USP8: variants seen among roughly 807,000 people sequenced by gnomAD.
USP8 encodes the protein ubiquitin specific peptidase 8, also known as ubiquitin carboxyl-terminal hydrolase 8.
A neutral mutation model predicts 130.0 loss-of-function variants in USP8; 27 were observed. That is an observed-to-expected ratio of 0.21 (90% CI 0.15 to 0.29). The LOEUF (loss-of-function observed/expected upper bound fraction) is 0.29, where lower values mean the gene tolerates loss of function less well. Among genes scored for constraint, USP8 ranks in the 10% least tolerant of loss-of-function variants. The pLI, the probability that USP8 is intolerant of heterozygous loss-of-function variation, is 1.00. For synonymous variants in USP8, 392 were observed against 444.1 expected (o/e 0.88, Z 1.48); for missense variants, 1,029 against 1,312.2 (o/e 0.78, Z 3.33).
At position 50,497,207 on chromosome 15, in the gene USP8, C is replaced by T. The variant is rs920130596; in HGVS notation, c.3014C>T (p.Pro1005Leu). ...AAGATAGAAATCTGGAAGTTACCACCTGTGCTTTTAGTGCATCTGAAACGG... is the reference window on the plus strand; with the variant it reads ...AAGATAGAAATCTGGAAGTTACCACTTGTGCTTTTAGTGCATCTGAAACGG... ...LKKIEIWKLPPVLLVHLKRFS... is the reference protein window; with the variant it reads ...LKKIEIWKLPLVLLVHLKRFS... The change falls in exon 18 of 20, where the codon CCT becomes CTT. Residue 1005 changes from proline (P) to leucine (L), a missense_variant. Physicochemically the swap from Pro to Leu is moderately conservative, Grantham distance 98. Around this residue, in one of 4 missense-constraint regions of USP8, gnomAD observed 257 missense variants for 429.8 expected, o/e 0.60. Transcript: ENST00000307179. The T allele has an allele frequency of 1.2e-6, 2 of 1,609,918 alleles. No homozygotes were observed. The highest frequency in any genetic ancestry group is 1.7e-6 in the Non-Finnish European group (2 of 1,178,658).
intron 14 of USP8, 22 bp from the exon 15 acceptor site, chr15:50,492,678 CT>C: frequency 6.2e-7 from 1 of 1,607,866 alleles, no homozygotes; most frequent in Non-Finnish European, 8.5e-7. Context: ...TTTAAGACAT[CT>C]TGTATCCTTT....
chr15:50,427,533 G>A (rs1207061938), intron 1 of USP8, among the ~76,000 whole-genome samples: 1 of 150,688 alleles, frequency 6.6e-6, no homozygotes, highest in African/African-American at 2.4e-5. Flanking sequence ...AACTTATTTG[G>A]AATTCTACAT....
At chr15:50,436,939 G>C (rs1189501113) in intron 1 of USP8, among the ~76,000 whole-genome samples, 1 of 152,034 alleles carries the variant, frequency 6.6e-6, no homozygotes, top group Non-Finnish European at 1.5e-5. Context: ...CAAAGTGCTG[G>C]GATTACAGGT....
rs773408544 is a variant in USP8, at chr15:50,460,546, C to T, written c.498+1384C>T. ...CTGTTCTTGAACTCCTGACCTCAAG[C>T]GATCTACCCACCTTGGCCTCCCAAA... On this transcript the variant is annotated intron_variant, in intron 5 of 19. Transcript: ENST00000307179. 7.0e-4 allele frequency among the ~76,000 whole-genome samples: 106 copies of T among 151,636 alleles called. 2 individuals are homozygous for T. The highest frequency in any genetic ancestry group is 1.3e-4 in the Non-Finnish European group (9 of 67,888).
chr15:50,477,208 ATGAGAAATGTAAGTAC>A, intron 9 of USP8, 52 bp from the exon 10 acceptor site: 3 of 1,408,424 alleles, frequency 2.1e-6, no homozygotes, highest in African/African-American at 1.5e-5. Context: ...ATTAACACGC[ATGAGAAATGTAAGTAC>A]TGTGTATGGG....
In USP8 at chr15:50,502,840, G is replaced by GTAA. The variant is rs1490331435; in HGVS notation, c.*3755_*3757dup. 1 of 152,244 alleles carries GTAA rather than the reference G, an allele frequency of 6.6e-6. No individual in the cohort carries two copies. The highest frequency in any genetic ancestry group is 2.4e-5 in the African/African-American group (1 of 41,452). The allele number at this position is 152,244 out of a possible 1,614,324, so 9.4% of individuals were successfully genotyped here. ...AGTTAATTCCAACGTGAATTCGGGT[G>GTAA]TAATAGTACATTGTGACCTTAGCGA... is the stretch of plus-strand genomic sequence containing the variant. On this transcript the variant is annotated 3_prime_UTR_variant, in exon 20 of 20. Transcript: ENST00000307179.
chr15:50,436,581 C>G (rs560427015), intron 1 of USP8, among the ~76,000 whole-genome samples: 1 of 152,162 alleles, frequency 6.6e-6, no homozygotes, highest in South Asian at 2.1e-4. Context: ...TCACTGCAAC[C>G]TCACCTCCCG....
intron 7 of USP8, among the ~76,000 whole-genome samples, chr15:50,469,345 G>A (rs185997804): frequency 4.0e-4 from 61 of 152,188 alleles, no homozygotes; most frequent in African/African-American, 1.5e-3. Flanking sequence ...GGAGCAGATT[G>A]TGAAGATGGT....
chr15:50,425,104 G>GC (rs1320869226), intron 1 of USP8, among the ~76,000 whole-genome samples: 2 of 152,022 alleles, frequency 1.3e-5, no homozygotes, highest in African/African-American at 4.8e-5. Flanking sequence ...GCAGTGATGT[G>GC]CATTATAAAG....
chr15:50,493,007 A>G, intron 15 of USP8, 94 bp downstream of exon 15: 1 of 1,209,560 alleles, frequency 8.3e-7, no homozygotes, highest in East Asian at 2.3e-5. Context: ...CTGCTATAAC[A>G]AAATACCTAA....
chr15:50,489,765 A>AT (rs546199809), intron 12 of USP8, 36 bp from the exon 13 acceptor site: 38 of 1,320,502 alleles, frequency 2.9e-5, no homozygotes, highest in Admixed American at 6.2e-5. Flanking sequence ...TTTAAAAAAA[A>AT]TTTTTTTTTA....
Position 50,477,462 on chromosome 15 carries a change from T to A in USP8, c.1181T>A (p.Ile394Lys). The A allele has an allele frequency of 1.9e-6, 3 of 1,614,156 alleles. No individual in the cohort carries two copies. In the South Asian group the frequency reaches 3.3e-5, roughly 18 times the overall value. The change falls in exon 10 of 20, where the codon ATA becomes AAA. Residue 394 changes from isoleucine to lysine, a missense_variant. Ile to Lys is a moderately radical substitution (Grantham distance 102). This residue lies in a region of USP8 where 486 missense variants were observed against 522.0 expected (regional missense o/e 0.93). Transcript: ENST00000307179. ...GCTTCTAAATCTGATGTTTCACCCA[T>A]AATTCAGCCAGTGCCTAGTATAAAG... ...VAASKSDVSP[I>K]IQPVPSIKNV... is the part of the protein sequence containing the mutation.
chr15:50,448,441 A>AAAC (rs889862673), intron 3 of USP8, among the ~76,000 whole-genome samples: 1 of 152,340 alleles, frequency 6.6e-6, no homozygotes, highest in Non-Finnish European at 1.5e-5. Context: ...GTGATTTAAA[A>AAAC]AACAACAACA....
intron 4 of USP8, among the ~76,000 whole-genome samples, chr15:50,451,765 C>G (rs2050635641): frequency 6.6e-6 from 1 of 152,150 alleles, no homozygotes; most frequent in African/African-American, 2.4e-5. Context: ...ATAAGTCAAC[C>G]ACAAAGCTCT....
At chr15:50,432,338 GCAA>G (rs2049959637) in intron 1 of USP8, 1 of 152,018 alleles carries the variant, frequency 6.6e-6, no homozygotes, top group African/African-American at 2.4e-5. Flanking sequence ...TGCCCTTTAG[GCAA>G]CAACAATACT....
Position 50,509,593 on chromosome 15 carries a change from A to T in USP8, c.*10505A>T, listed in dbSNP as rs2052712521. 1 of 152,214 alleles carries T rather than the reference A, an allele frequency of 6.6e-6. No homozygotes were observed. The allele number at this position is 152,214 out of a possible 1,614,324, so 9.4% of individuals were successfully genotyped here. A position where few individuals can be genotyped will look rare whatever the true frequency, so the allele number is the denominator to read the frequency against. On this transcript the variant is annotated 3_prime_UTR_variant, in exon 20 of 20. Coordinates refer to ENST00000307179, the MANE Select transcript of USP8 (RefSeq NM_005154.5). The stretch of plus-strand genomic sequence containing the variant: ...AACCCGGGAGGCGGAGCTTGCCGTG[A>T]GCTGAGATCGTGCCATTGCACTCCA...
chr15:50,481,420 A>C, intron 10 of USP8, 61 bp from the exon 11 acceptor site: 2 of 1,251,954 alleles, frequency 1.6e-6, no homozygotes, highest in South Asian at 3.6e-5. Flanking sequence ...CTTGATCTCA[A>C]GAACTGAGGT....
intron 7 of USP8, chr15:50,466,898 A>G (rs1308499126): frequency 9.5e-6 from 4 of 419,374 alleles, no homozygotes; most frequent in Non-Finnish European, 1.9e-5. Context: ...TGAAAGGACC[A>G]GTTCAAATGC....
chr15:50,462,582 C>G (rs11631351), intron 6 of USP8, among the ~76,000 whole-genome samples: 20,864 of 152,048 alleles, frequency 0.14, 1,949 homozygotes, highest in Middle Eastern at 0.28. Flanking sequence ...ATGTCAAAAC[C>G]AAAGCTTGTA....
Sources: allele counts gnomAD v4.1 joint callset (sites outside exome capture counted in the v4.1 genomes callset), GRCh38; gene constraint gnomAD v4.1.1; regional missense constraint gnomAD v4.1.1; transcripts MANE v1.5; gene names NCBI Gene and HGNC (gene_info 2026-07-23, HGNC 2026-07-21).